Variants in MATN2 observed in about 807,000 individuals in gnomAD.
MATN2 encodes matrilin-2.
MATN2 carries 69 observed loss-of-function variants against 103.2 expected under a neutral mutation model. That is an observed-to-expected ratio of 0.67 (90% CI 0.55 to 0.82). The LOEUF (loss-of-function observed/expected upper bound fraction) is 0.82, where lower values mean the gene tolerates loss of function less well. MATN2 is among the 40% of genes least tolerant of loss of function. The probability of loss-of-function intolerance (pLI) is 0.00; values close to 1 mark genes in which losing one functional copy is unlikely to be tolerated. For synonymous variants in MATN2, 429 were observed against 450.2 expected, an observed-to-expected ratio of 0.95 and a Z score of 0.60; for missense variants, 1,023 against 1,211.5, an observed-to-expected ratio of 0.84 and a Z score of 2.31.
At chr8:97,895,510 A>G (rs1256531892) in intron 2 of MATN2, among the ~76,000 whole-genome samples, 1 of 152,222 alleles carries the variant, frequency 6.6e-6, no homozygotes, top group Non-Finnish European at 1.5e-5. Flanking sequence ...CAAGACCTCC[A>G]TTGAGGGACC....
At chr8:97,918,642 A>G (rs1809712320) in intron 2 of MATN2, among the ~76,000 whole-genome samples, 1 of 152,028 alleles carries the variant, frequency 6.6e-6, no homozygotes, top group African/African-American at 2.4e-5. Flanking sequence ...AAGTGGGGAG[A>G]TTTGCACTTA....
chr8:97,942,406 G>T (rs995919307), intron 4 of MATN2, among the ~76,000 whole-genome samples: 3 of 152,182 alleles, frequency 2.0e-5, no homozygotes, highest in Admixed American at 6.5e-5. Context: ...TTTTAAAAAG[G>T]GGGTAAACAG....
intron 5 of MATN2, among the ~76,000 whole-genome samples, chr8:97,974,877 G>A (rs1197245211): frequency 6.6e-6 from 1 of 152,204 alleles, no homozygotes; most frequent in Non-Finnish European, 1.5e-5. Flanking sequence ...ATCACCTGGA[G>A]GGCTTGCTCA....
chr8:97,931,254 C>G lies in MATN2; in HGVS notation c.444C>G (p.Phe148Leu). 1 of 1,613,934 alleles carries G rather than the reference C, an allele frequency of 6.2e-7. No homozygotes were observed. The highest frequency in any genetic ancestry group is 8.5e-7 in the Non-Finnish European group (1 of 1,179,878). ...TCCAGTATGCCCTGAACATCGCATT[C>G]TCAGAAGCAGAGGGGGCCCGGCCCC... The part of the protein sequence containing the change: ...LAIQYALNIA[F>L]SEAEGARPLR... Residue 148 changes from phenylalanine to leucine, a missense_variant, in exon 3 of 19, where the codon TTC becomes TTG. Coordinates refer to ENST00000254898, the MANE Select transcript of MATN2 (RefSeq NM_002380.5). This position sits in a 1 kb window ranked among gnomAD's most constrained non-coding sequence, Gnocchi z 4.1.
rs1239684757 is a variant in MATN2, at chr8:97,869,128, G to A, written c.-186G>A. The A allele has an allele frequency of 6.6e-6, 1 of 152,326 alleles. No individual in the cohort carries two copies. The highest frequency in any genetic ancestry group is 1.5e-5 in the Non-Finnish European group (1 of 68,226). 9.4% of individuals were successfully genotyped at this position (152,326 alleles called of 1,614,324 possible). A position where few individuals can be genotyped will look rare whatever the true frequency, so the allele number is the denominator to read the frequency against. On this transcript the variant is annotated 5_prime_UTR_variant, in exon 1 of 19. Coordinates refer to ENST00000254898, the MANE Select transcript of MATN2 (RefSeq NM_002380.5). ...GGGATGGGACTTGGAGCAAGCGGCG[G>A]CGGCGGAGACAGAGGCAGAGGCAGA... is the stretch of plus-strand genomic sequence containing the variant.
intron 10 of MATN2, among the ~76,000 whole-genome samples, chr8:98,012,733 G>A (rs1813214521): frequency 6.6e-6 from 1 of 152,150 alleles, no homozygotes; most frequent in Non-Finnish European, 1.5e-5. Flanking sequence ...CCTTAAGCTA[G>A]GATGATCTGT....
intron 6 of MATN2, among the ~76,000 whole-genome samples, chr8:97,980,558 C>CTTTTTTTTT (rs71570278): frequency 6.4e-5 from 6 of 94,092 alleles, no homozygotes; most frequent in African/African-American, 1.4e-4. Context: ...TTATTCTTTC[C>CTTTTTTTTT]TTTTTTTTTT....
intron 10 of MATN2, among the ~76,000 whole-genome samples, chr8:98,012,087 T>G (rs1282673600): frequency 6.6e-6 from 1 of 152,220 alleles, no homozygotes; most frequent in African/African-American, 2.4e-5. Context: ...CCTATTTCAC[T>G]TAAGTGATGG....
chr8:98,034,969 C>T (rs1814184309), intron 18 of MATN2, among the ~76,000 whole-genome samples: 1 of 151,412 alleles, frequency 6.6e-6, no homozygotes, highest in Non-Finnish European at 1.5e-5. Flanking sequence ...CACCTGTAAT[C>T]CTAGCACTTT....
At chr8:98,022,102 A>G (rs188755714) in intron 13 of MATN2, among the ~76,000 whole-genome samples, 1 of 152,348 alleles carries the variant, frequency 6.6e-6, no homozygotes, top group Admixed American at 6.5e-5. Context: ...AACAAGCTAA[A>G]TGATCACCCA....
chr8:98,022,304 A>G (rs1813622580), intron 13 of MATN2, among the ~76,000 whole-genome samples: 1 of 152,018 alleles, frequency 6.6e-6, no homozygotes, highest in Admixed American at 6.6e-5. Context: ...CTTTCTCTAT[A>G]TATGTGTGTG....
chr8:97,899,701 G>A (rs918393697), intron 2 of MATN2, among the ~76,000 whole-genome samples: 6 of 152,096 alleles, frequency 3.9e-5, no homozygotes, highest in South Asian at 2.1e-4. Context: ...CTCCAAATCC[G>A]GTTACCTCCT....
chr8:98,028,639 T>G (rs1159269093), intron 14 of MATN2, among the ~76,000 whole-genome samples: 1 of 151,824 alleles, frequency 6.6e-6, no homozygotes, highest in East Asian at 1.9e-4. Flanking sequence ...GAGGCTGGAG[T>G]GCAGTGGCGC....
intron 1 of MATN2, among the ~76,000 whole-genome samples, chr8:97,873,794 A>G (rs1817976182): frequency 6.6e-6 from 1 of 151,808 alleles, no homozygotes; most frequent in Admixed American, 6.6e-5. Flanking sequence ...AGATTTTTGT[A>G]AAAACTTTTT....
intron 14 of MATN2, among the ~76,000 whole-genome samples, chr8:98,028,074 G>A (rs1173669054): frequency 6.6e-6 from 1 of 152,122 alleles, no homozygotes; most frequent in Non-Finnish European, 1.5e-5. Flanking sequence ...ACCACAGGCG[G>A]GTATCCTCTC....
At chr8:97,927,712 G>A (rs1276800842) in intron 2 of MATN2, among the ~76,000 whole-genome samples, 2 of 152,200 alleles carry the variant, frequency 1.3e-5, no homozygotes, top group African/African-American at 2.4e-5. Flanking sequence ...ACATGTGCAG[G>A]TGTTGTGGAA....
At chr8:97,985,125 G>A (rs1812150126) in intron 6 of MATN2, among the ~76,000 whole-genome samples, 1 of 152,202 alleles carries the variant, frequency 6.6e-6, no homozygotes, top group Non-Finnish European at 1.5e-5. Context: ...CTGCTGGCGG[G>A]AAGACTGGGC....
chr8:97,951,333 A>G (rs1810945369), intron 4 of MATN2, among the ~76,000 whole-genome samples: 1 of 152,196 alleles, frequency 6.6e-6, no homozygotes, highest in Non-Finnish European at 1.5e-5. Flanking sequence ...AGAAATGCCA[A>G]TTATGAAAAA....
chr8:97,967,573 A>C (rs2512039), intron 5 of MATN2, among the ~76,000 whole-genome samples: 127,079 of 152,276 alleles, frequency 0.83, 53,405 homozygotes, highest in African/African-American at 0.89. Context: ...TGAAACCCAG[A>C]AGGGCAGCCA....
Sources: gnomAD v4.1 joint callset for allele counts (sites outside exome capture counted in the v4.1 genomes callset) on GRCh38, gnomAD v4.1.1 for gene constraint, Gnocchi (gnomAD v3.1) non-coding constraint, MANE v1.5 for transcripts, NCBI Gene and HGNC (gene_info 2026-07-23, HGNC 2026-07-21) for gene names.